Variants in CDC42BPB observed in about 807,000 individuals in gnomAD.
The protein encoded by CDC42BPB is serine/threonine-protein kinase MRCK beta.
Under a neutral mutation model 214.9 loss-of-function variants are expected in CDC42BPB, and 37 were observed. That is an observed-to-expected ratio of 0.17 (90% CI 0.13 to 0.23). The LOEUF (loss-of-function observed/expected upper bound fraction) is 0.23. Among genes scored for constraint, CDC42BPB ranks in the 10% least tolerant of loss-of-function variants. CDC42BPB has a pLI of 1.00. For synonymous variants in CDC42BPB, 931 were observed against 884.0 expected (o/e 1.05, Z -0.94); for missense variants, 1,694 against 2,227.0 (o/e 0.76, Z 4.82).
At chr14:102,965,388 TAAAAAAAAAA>T (rs765936398) in intron 18 of CDC42BPB, among the ~76,000 whole-genome samples, 2 of 115,264 alleles carry the variant, frequency 1.7e-5, no homozygotes, top group African/African-American at 3.1e-5. Flanking sequence ...TACCTGTGAT[TAAAAAAAAAA>T]AAAAAAAAAA....
rs57519233 is a variant in CDC42BPB at position 103,029,928 on chromosome 14, C to T, written c.176-17740G>A. Reference sequence around the variant, plus strand: ...CTCAGTGGCCAGACACGCATGTGAGCGGGAAGCAATATTCAAAACAGCAAT... The same window carrying T: ...CTCAGTGGCCAGACACGCATGTGAGTGGGAAGCAATATTCAAAACAGCAAT... On this transcript the variant is annotated intron_variant, in intron 1 of 36. Transcript: ENST00000361246. 2.7e-4 allele frequency among the ~76,000 whole-genome samples: 41 copies of T among 150,070 alleles called. 1 individual carries two copies. The East Asian group carries it at 2.9e-3, about 11-fold the overall frequency.
At chr14:102,942,714 TG>T (rs1891953733) in intron 30 of CDC42BPB, among the ~76,000 whole-genome samples, 1 of 151,898 alleles carries the variant, frequency 6.6e-6, no homozygotes, top group African/African-American at 2.4e-5. Flanking sequence ...CTGGCTAGTT[TG>T]TTTGTTTGAG....
Position 103,057,367 on chromosome 14 carries a change from C to T in CDC42BPB, c.-194G>A, listed in dbSNP as rs1356620000. 4.0e-6 allele frequency: 4 copies of T among 993,770 alleles called. No individual in the cohort carries two copies. The highest frequency in any genetic ancestry group is 4.8e-6 in the Non-Finnish European group (4 of 833,542). The allele number at this position is 993,770 out of a possible 1,614,324, so 61.6% of individuals were successfully genotyped here. ...CGTCCCGACGGCGCAGAGTCTGGGGCGCCGGGCCCCGCGGGTCCATGGGCC... is the reference window on the plus strand; with the variant it reads ...CGTCCCGACGGCGCAGAGTCTGGGGTGCCGGGCCCCGCGGGTCCATGGGCC... On this transcript the variant is annotated 5_prime_UTR_variant, in exon 1 of 37. Coordinates refer to ENST00000361246, the MANE Select transcript of CDC42BPB (RefSeq NM_006035.4).
chr14:102,969,118 G>C (rs1893356574), intron 14 of CDC42BPB, among the ~76,000 whole-genome samples: 1 of 152,254 alleles, frequency 6.6e-6, no homozygotes, highest in Non-Finnish European at 1.5e-5. Flanking sequence ...ACCCCAGCCA[G>C]GTTGTAGGGA....
chr14:103,036,575 C>A (rs1438554373), intron 1 of CDC42BPB, among the ~76,000 whole-genome samples: 1 of 152,018 alleles, frequency 6.6e-6, no homozygotes, highest in Non-Finnish European at 1.5e-5. Flanking sequence ...TATCTACAGA[C>A]TACTCCTCAT....
intron 11 of CDC42BPB, 82 bp downstream of exon 11, chr14:102,975,602 T>C: frequency 1.4e-6 from 2 of 1,393,394 alleles, no homozygotes; most frequent in South Asian, 1.3e-5. Flanking sequence ...TTTCCCACTT[T>C]ATGAAAAGGA....
intron 9 of CDC42BPB, among the ~76,000 whole-genome samples, chr14:102,977,204 T>G (rs1595486530): frequency 6.6e-6 from 1 of 151,920 alleles, no homozygotes; most frequent in Non-Finnish European, 1.5e-5. Context: ...TCGGGCGTGG[T>G]GGCGGGCGCC....
At chr14:102,972,998 T>C (rs1038076791) in intron 12 of CDC42BPB, among the ~76,000 whole-genome samples, 10 of 152,252 alleles carry the variant, frequency 6.6e-5, no homozygotes, top group African/African-American at 2.4e-4. Flanking sequence ...GGATACTGGC[T>C]GTCACTCTGC....
intron 5 of CDC42BPB, 101 bp from the exon 6 acceptor site, chr14:102,986,681 C>A (rs1894260045): frequency 1.3e-6 from 2 of 1,489,410 alleles, no homozygotes; most frequent in East Asian, 2.4e-5. Context: ...ATGCTAATAT[C>A]CTCTTGTGAA....
At chr14:102,945,515 G>A (rs755714668) in intron 29 of CDC42BPB, 147 bp downstream of exon 29, 1 of 661,824 alleles carries the variant, frequency 1.5e-6, no homozygotes, top group South Asian at 1.8e-5. Flanking sequence ...CCATGCACTC[G>A]ATGCCGGTCT....
chr14:102,935,364 A>G (rs1337172832), intron 36 of CDC42BPB, among the ~76,000 whole-genome samples: 2 of 150,920 alleles, frequency 1.3e-5, no homozygotes, highest in African/African-American at 4.9e-5. Context: ...AACAGCATCC[A>G]AAAGAATAGC....
chr14:102,973,511 CCT>C (rs770831828), intron 12 of CDC42BPB, among the ~76,000 whole-genome samples: 6 of 152,324 alleles, frequency 3.9e-5, no homozygotes, highest in Non-Finnish European at 5.9e-5. Flanking sequence ...GCTGCAGTTC[CCT>C]GTCATTACTA....
At chr14:103,026,422 T>A (rs748103885) in intron 1 of CDC42BPB, among the ~76,000 whole-genome samples, 2 of 151,974 alleles carry the variant, frequency 1.3e-5, no homozygotes, top group Non-Finnish European at 2.9e-5. Flanking sequence ...AAAAACCACA[T>A]GTAAATCTTT....
intron 24 of CDC42BPB, among the ~76,000 whole-genome samples, chr14:102,951,703 C>T (rs1312028960): frequency 6.6e-6 from 1 of 152,038 alleles, no homozygotes; most frequent in Non-Finnish European, 1.5e-5. Flanking sequence ...AGGAGAATCA[C>T]TTGAATCTGG....
At chr14:102,959,184 C>T (rs976447424) in intron 21 of CDC42BPB, among the ~76,000 whole-genome samples, 1 of 151,546 alleles carries the variant, frequency 6.6e-6, no homozygotes, top group Admixed American at 6.6e-5. Context: ...GTAGTCCCAG[C>T]TACTTGGGAG....
Position 102,951,817 on chromosome 14 carries a change from T to C in CDC42BPB, c.3172+681A>G, listed in dbSNP as rs375281154. Reference sequence around the variant, plus strand: ...AAGAAATAGAAAAAAAGAAAAAAAATACGAATGACGACCAGAAGCAGAGAC... The same window carrying C: ...AAGAAATAGAAAAAAAGAAAAAAAACACGAATGACGACCAGAAGCAGAGAC... On this transcript the variant is annotated intron_variant, in intron 24 of 36. Coordinates refer to ENST00000361246, the MANE Select transcript of CDC42BPB (RefSeq NM_006035.4). Among the ~76,000 whole-genome samples the C allele has an allele frequency of 3.7e-4, 56 of 152,094 alleles. No homozygotes were observed. The East Asian group carries it at 0.01, about 27-fold the overall frequency.
chr14:102,957,907 G>A (rs1892782720), intron 21 of CDC42BPB, among the ~76,000 whole-genome samples: 1 of 152,240 alleles, frequency 6.6e-6, no homozygotes, highest in African/African-American at 2.4e-5. Context: ...CGTGGAAAGG[G>A]CACAGCTCCT....
At chr14:102,995,282 C>T (rs546586284) in intron 5 of CDC42BPB, among the ~76,000 whole-genome samples, 4 of 152,196 alleles carry the variant, frequency 2.6e-5, no homozygotes, top group African/African-American at 7.2e-5. Flanking sequence ...TCAAGCAGTC[C>T]TCCTGCCCCA....
At chr14:102,945,764 C>T (rs10138676) in intron 28 of CDC42BPB, 40 bp from the exon 29 acceptor site, 116,296 of 1,582,160 alleles carry the variant, frequency 0.074, 6,224 homozygotes, top group African/African-American at 0.27. Flanking sequence ...TCAGTACAGC[C>T]GACCGTGAAC....
Sources: gnomAD v4.1 joint callset for allele counts (sites outside exome capture counted in the v4.1 genomes callset) on GRCh38, gnomAD v4.1.1 for gene constraint, MANE v1.5 for transcripts, NCBI Gene and HGNC (gene_info 2026-07-23, HGNC 2026-07-21) for gene names.